Variants in PBK observed in about 807,000 individuals in gnomAD.
The protein encoded by PBK is PDZ binding kinase.
PBK carries 22 observed loss-of-function variants against 33.5 expected under a neutral mutation model. The observed-to-expected ratio is 0.66, with a 90% CI of 0.47 to 0.94. The LOEUF (loss-of-function observed/expected upper bound fraction) is 0.94, where lower values mean the gene tolerates loss of function less well. Among genes scored for constraint, PBK ranks in the 40% least tolerant of loss-of-function variants. PBK has a pLI of 0.00. For missense variants in PBK, 376 were observed against 383.4 expected (o/e 0.98, Z 0.16); for synonymous variants, 129 against 123.8 (o/e 1.04, Z -0.28).
intron 6 of PBK, chr8:27,811,361 C>A (rs975881172): frequency 5.1e-6 from 3 of 592,754 alleles, no homozygotes; most frequent in African/African-American, 3.7e-5. Flanking sequence ...AACAGCAATT[C>A]TCTTACAAAT....
chr8:27,814,465 A>T (rs1805772379), intron 6 of PBK, among the ~76,000 whole-genome samples: 1 of 151,996 alleles, frequency 6.6e-6, no homozygotes, highest in Non-Finnish European at 1.5e-5. Flanking sequence ...TTATCTTTTC[A>T]AATAACCAGC....
intron 3 of PBK, among the ~76,000 whole-genome samples, chr8:27,826,312 A>C (rs1008859181): frequency 2.0e-5 from 3 of 152,250 alleles, no homozygotes; most frequent in African/African-American, 7.2e-5. Context: ...TCTCAAAAAA[A>C]TATATCTTCT....
chr8:27,823,167 T>C lies in PBK; in HGVS notation c.191A>G (p.Lys64Arg). The C allele has an allele frequency of 6.4e-7, 1 of 1,559,830 alleles. No homozygotes were observed. The highest frequency in any genetic ancestry group is 8.8e-7 in the Non-Finnish European group (1 of 1,134,222). ...RGLSHSPWAV[K>R]KINPICNDHY... Reference sequence around the variant, plus strand: ...ATCATTACATATAGGATTAATCTTTTTTACAGCCCAAGGAGAATGAGACAA... The same window carrying C: ...ATCATTACATATAGGATTAATCTTTCTTACAGCCCAAGGAGAATGAGACAA... Residue 64 changes from lysine (K) to arginine (R), a missense_variant, in exon 4 of 8, where the codon AAA becomes AGA. Lys to Arg is a conservative substitution (Grantham distance 26). Transcript: ENST00000301905.
Position 27,810,478 on chromosome 8 carries a change from A to C in PBK, c.796T>G (p.Phe266Val), listed in dbSNP as rs1353773080. The C allele has an allele frequency of 1.2e-6, 2 of 1,602,056 alleles. No homozygotes were observed. Among genetic ancestry groups the C allele is most frequent in the Non-Finnish European group, 1.7e-6 (2 of 1,172,846 alleles). Residue 266 changes from phenylalanine to valine, a missense_variant, in exon 8 of 8, where the codon TTT becomes GTT. By Grantham distance (50) the Phe-to-Val change is conservative. Coordinates refer to ENST00000301905, the MANE Select transcript of PBK (RefSeq NM_018492.4). ...GCTGCATAGTATGCTTCATCATCAAAATCACTTTCATCAAAAGTTTTATCT... is the reference window on the plus strand; with the variant it reads ...GCTGCATAGTATGCTTCATCATCAACATCACTTTCATCAAAAGTTTTATCT... ...DEDKTFDESD[F>V]DDEAYYAALG...
At chr8:27,819,981 G>A (rs1805888428) in intron 6 of PBK, among the ~76,000 whole-genome samples, 1 of 151,962 alleles carries the variant, frequency 6.6e-6, no homozygotes, top group Non-Finnish European at 1.5e-5. Flanking sequence ...TTAACCATTT[G>A]TTTAACTTCT....
In PBK at chr8:27,823,070, G is replaced by T; in HGVS notation, c.288C>A (p.Asn96Lys). 1.9e-6 allele frequency: 3 copies of T among 1,591,910 alleles called. No homozygotes were observed. The highest frequency in any genetic ancestry group is 2.6e-6 in the Non-Finnish European group (3 of 1,164,292). Reference protein sequence around the residue: ...AKILKSLHHPNIVGYRAFTEA... With the variant: ...AKILKSLHHPKIVGYRAFTEA... Reference sequence around the variant, plus strand: ...TACCAAATTTAAACGTACCAACAATGTTTGGATGATGAAGGCTTTTCAAAA... The same window carrying T: ...TACCAAATTTAAACGTACCAACAATTTTTGGATGATGAAGGCTTTTCAAAA... Residue 96 changes from asparagine (N) to lysine (K), a missense_variant, in exon 4 of 8, where the codon AAC becomes AAA. Coordinates refer to ENST00000301905, the MANE Select transcript of PBK (RefSeq NM_018492.4).
At chr8:27,814,042 G>A (rs1385961637) in intron 6 of PBK, among the ~76,000 whole-genome samples, 1 of 152,112 alleles carries the variant, frequency 6.6e-6, no homozygotes, top group Non-Finnish European at 1.5e-5. Context: ...AATGTGTCAG[G>A]TTTTCATATT....
chr8:27,816,627 C>T lies in PBK; in HGVS notation c.595+3938G>A, dbSNP rs141359762. Among the ~76,000 whole-genome samples, 1,400 of 151,954 alleles carry T rather than the reference C, an allele frequency of 9.2e-3. 22 individuals are homozygous for T. Among genetic ancestry groups the T allele is most frequent in the African/African-American group, 0.032 (1,325 of 41,428 alleles). On this transcript the variant is annotated intron_variant, in intron 6 of 7. Coordinates refer to ENST00000301905, the MANE Select transcript of PBK (RefSeq NM_018492.4). ...TCCTGACCTCATGATTTGCCCGCCT[C>T]GGCCTCCCAAAGTGCTGGGATTACA...
At position 27,826,785 on chromosome 8, in the gene PBK, G is replaced by A. The variant is rs942645380; in HGVS notation, c.152+1320C>T. On this transcript the variant is annotated intron_variant, in intron 3 of 7. Coordinates refer to ENST00000301905, the MANE Select transcript of PBK (RefSeq NM_018492.4). ...CACTCCAGCCTGGGCGACAGAGCGA[G>A]ACTCCGTCTCAAAAAAAAAAAAAAA... 3.2e-5 allele frequency among the ~76,000 whole-genome samples: 4 copies of A among 123,986 alleles called. 1 individual carries two copies. Among genetic ancestry groups the A allele is most frequent in the Non-Finnish European group, 4.8e-5 (3 of 61,952 alleles). The allele number at this position is 123,986 out of a possible 152,430, so 81.3% of individuals were successfully genotyped here.
intron 3 of PBK, among the ~76,000 whole-genome samples, chr8:27,823,814 G>A (rs1170423242): frequency 2.0e-5 from 3 of 151,968 alleles, no homozygotes; most frequent in African/African-American, 7.2e-5. Flanking sequence ...AATATTTAAG[G>A]TATAAATGTT....
At chr8:27,817,626 G>A (rs1805844075) in intron 6 of PBK, among the ~76,000 whole-genome samples, 1 of 151,488 alleles carries the variant, frequency 6.6e-6, no homozygotes, top group Admixed American at 6.6e-5. Context: ...AATATATCAG[G>A]TTATTATAAA....
At chr8:27,820,537 A>G in intron 6 of PBK, 28 bp downstream of exon 6, 19 of 1,422,444 alleles carry the variant, frequency 1.3e-5, no homozygotes, top group Non-Finnish European at 1.8e-5. Flanking sequence ...TTAAAAACAA[A>G]ATTTTAAAAC....
chr8:27,811,056 G>C lies in PBK; in HGVS notation c.674C>G (p.Thr225Ser). 6.2e-7 allele frequency: 1 copy of C among 1,612,582 alleles called. No individual in the cohort carries two copies. Among genetic ancestry groups the C allele is most frequent in the Non-Finnish European group, 8.5e-7 (1 of 1,178,600 alleles). Residue 225 changes from threonine to serine, a missense_variant, in exon 7 of 8, where the codon ACT (threonine) becomes AGT (serine). Coordinates refer to ENST00000301905, the MANE Select transcript of PBK (RefSeq NM_018492.4). ...AAAGGCAAATATGTCTGCCTTGTCAGTAATAACACCATTCTCCTCCACAGC... is the reference window on the plus strand; with the variant it reads ...AAAGGCAAATATGTCTGCCTTGTCACTAATAACACCATTCTCCTCCACAGC... ...KEAVEENGVI[T>S]DKADIFAFGL...
At chr8:27,822,541 T>TAAGTC (rs1805950731) in intron 4 of PBK, 53 bp from the exon 5 acceptor site, 1 of 1,246,968 alleles carries the variant, frequency 8.0e-7, no homozygotes, top group Non-Finnish European at 1.1e-6. Flanking sequence ...CAATAATATT[T>TAAGTC]AAGTCCTTTA....
intron 3 of PBK, among the ~76,000 whole-genome samples, chr8:27,824,648 G>A (rs1254564350): frequency 1.3e-5 from 2 of 152,074 alleles, no homozygotes; most frequent in Non-Finnish European, 1.5e-5. Context: ...TGATTTTACA[G>A]GTGAGTTTAC....
intron 6 of PBK, among the ~76,000 whole-genome samples, chr8:27,816,343 C>CTTATATATATA (rs1554559818): frequency 1.5e-5 from 2 of 136,370 alleles, no homozygotes; most frequent in African/African-American, 5.8e-5. Flanking sequence ...TCATCGAATA[C>CTTATATATATA]TATATATATA....
At position 27,810,434 on chromosome 8, in the gene PBK, A is replaced by G; in HGVS notation, c.840T>C (p.Pro280=). The change falls in exon 8 of 8, where the codon CCT becomes CCC. Residue 280 remains proline (P), a synonymous_variant. Transcript: ENST00000301905. ...ATTCATCCAGTTCTTCCATATTAAT[A>G]GGTGGCCTAGTTCCCAACGCTGCAT... ...AYYAALGTRP[P]INMEELDESY... 6.2e-7 allele frequency: 1 copy of G among 1,608,682 alleles called. No individual in the cohort carries two copies. Among genetic ancestry groups the G allele is most frequent in the South Asian group, 1.1e-5 (1 of 90,994 alleles).
intron 6 of PBK, among the ~76,000 whole-genome samples, chr8:27,813,838 A>C (rs1440033578): frequency 6.6e-6 from 1 of 152,220 alleles, no homozygotes; most frequent in Non-Finnish European, 1.5e-5. Flanking sequence ...ATGTAGTATT[A>C]GACTGAATTG....
intron 6 of PBK, among the ~76,000 whole-genome samples, chr8:27,817,383 T>G (rs1004602669): frequency 6.6e-6 from 1 of 152,166 alleles, no homozygotes; most frequent in Non-Finnish European, 1.5e-5. Flanking sequence ...AAGTCATTTC[T>G]TCTGGTAGAA....
Sources: allele counts gnomAD v4.1 joint callset (sites outside exome capture counted in the v4.1 genomes callset), GRCh38; gene constraint gnomAD v4.1.1; transcripts MANE v1.5; gene names NCBI Gene and HGNC (gene_info 2026-07-23, HGNC 2026-07-21).